ZDHHC13: variants seen among roughly 807,000 people sequenced by gnomAD.
The protein encoded by ZDHHC13 is zDHHC palmitoyltransferase 13.
In ZDHHC13, 85 loss-of-function variants were observed where a neutral mutation model predicts 86.0. That is an observed-to-expected ratio of 0.99 (90% CI 0.83 to 1.18). The LOEUF (loss-of-function observed/expected upper bound fraction) is 1.18. Among genes scored for constraint, ZDHHC13 ranks in the 50% most tolerant of loss-of-function variants. The pLI, the probability that ZDHHC13 is intolerant of heterozygous loss-of-function variation, is 0.00. For synonymous variants in ZDHHC13, 263 were observed against 246.4 expected, an observed-to-expected ratio of 1.07 and a Z score of -0.63; for missense variants, 711 against 730.2, an observed-to-expected ratio of 0.97 and a Z score of 0.30.
At chr11:19,158,886 A>G (rs1565037307) in intron 9 of ZDHHC13, 54 bp from the exon 10 acceptor site, 3 of 1,214,488 alleles carry the variant, frequency 2.5e-6, no homozygotes, top group Non-Finnish European at 3.4e-6. Flanking sequence ...GAAATTTAGA[A>G]CTAAAATTAA....
At chr11:19,145,404 A>G (rs1283714717) in intron 2 of ZDHHC13, among the ~76,000 whole-genome samples, 1 of 152,116 alleles carries the variant, frequency 6.6e-6, no homozygotes, top group East Asian at 1.9e-4. Context: ...CTCCAATGCG[A>G]TCTTTCTTAA....
intron 1 of ZDHHC13, among the ~76,000 whole-genome samples, chr11:19,134,949 C>T (rs10833065): frequency 0.66 from 100,604 of 152,016 alleles, 33,944 homozygotes; most frequent in Admixed American, 0.76. Flanking sequence ...GGAGGATTGC[C>T]TGAGCCCTGG....
intron 1 of ZDHHC13, among the ~76,000 whole-genome samples, chr11:19,135,139 T>G (rs1271592750): frequency 2.0e-5 from 3 of 152,234 alleles, no homozygotes; most frequent in Non-Finnish European, 4.4e-5. Context: ...ACGGGTGATT[T>G]CTGCATCTCC....
chr11:19,165,202 A>C, intron 13 of ZDHHC13, 57 bp downstream of exon 13: 1 of 1,534,138 alleles, frequency 6.5e-7, no homozygotes, highest in Non-Finnish European at 8.9e-7. Flanking sequence ...TTTAGTTATG[A>C]CTCACAGAAA....
At chr11:19,117,120 G>T (rs1848659987), upstream of ZDHHC13, 1 of 1,004,092 alleles carries the variant, frequency 1.0e-6, no homozygotes, top group Admixed American at 2.1e-5. The surrounding 1 kb of genome is among the most constrained non-coding windows in gnomAD (Gnocchi z 4.2). Flanking sequence ...CAGGGCACGA[G>T]CGGGGACCGC....
Position 19,149,338 on chromosome 11 carries a change from T to C in ZDHHC13, c.519+7T>C. On this transcript the variant is annotated splice_region_variant and intron_variant, in intron 5 of 16. Coordinates refer to ENST00000446113, the MANE Select transcript of ZDHHC13 (RefSeq NM_019028.3). ...TCTCATCTCAAAGGGACAGGTATGTTCTGAAATGTGTCTTATACTCCAGTT... is the reference window on the plus strand; with the variant it reads ...TCTCATCTCAAAGGGACAGGTATGTCCTGAAATGTGTCTTATACTCCAGTT... 2.5e-6 allele frequency: 4 copies of C among 1,575,088 alleles called. No individual in the cohort carries two copies. Among genetic ancestry groups the C allele is most frequent in the Non-Finnish European group, 3.5e-6 (4 of 1,155,618 alleles).
rs761029919 is a variant in ZDHHC13 at position 19,163,286 on chromosome 11, C to G, written c.1109-17C>G. The stretch of plus-strand genomic sequence containing the variant: ...TTTTTAAAGGAAGTTTGGTGTATTC[C>G]TTAACTTGGCTTTAACATTTAGCAG... On this transcript the variant is annotated splice_polypyrimidine_tract_variant and intron_variant, in intron 10 of 16. Coordinates refer to ENST00000446113, the MANE Select transcript of ZDHHC13 (RefSeq NM_019028.3). The G allele has an allele frequency of 3.8e-6, 6 of 1,567,588 alleles. No homozygotes were observed. In the East Asian group the frequency reaches 1.4e-4, roughly 36 times the overall value.
intron 1 of ZDHHC13, among the ~76,000 whole-genome samples, chr11:19,135,135 G>A (rs1038719662): frequency 1.3e-5 from 2 of 152,226 alleles, no homozygotes; most frequent in Non-Finnish European, 2.9e-5. Flanking sequence ...GAAGACGGGT[G>A]ATTTCTGCAT....
At chr11:19,152,084 A>T in intron 6 of ZDHHC13, 74 bp from the exon 7 acceptor site, 2 of 1,480,530 alleles carry the variant, frequency 1.4e-6, no homozygotes, top group African/African-American at 1.4e-5. Context: ...ATCTTAAAAG[A>T]TTCATAATTT....
At chr11:19,132,415 A>C (rs1385952072) in intron 1 of ZDHHC13, among the ~76,000 whole-genome samples, 1 of 152,174 alleles carries the variant, frequency 6.6e-6, no homozygotes, top group Non-Finnish European at 1.5e-5. Flanking sequence ...TCAGAGTTTG[A>C]ACATCTTCCT....
Position 19,172,718 on chromosome 11 carries a change from T to G in ZDHHC13, c.1633-5T>G, listed in dbSNP as rs781014977. The G allele has an allele frequency of 8.4e-5, 133 of 1,587,830 alleles. No individual in the cohort carries two copies. Among genetic ancestry groups the G allele is most frequent in the Non-Finnish European group, 1.1e-4 (131 of 1,167,406 alleles). ...TGTGTGCAACCTTCCACCCTTCTTT[T>G]TCAGATTGCCTTTCTGGGCCTGACC... On this transcript the variant is annotated splice_polypyrimidine_tract_variant and splice_region_variant and intron_variant, in intron 15 of 16. Transcript: ENST00000446113.
chr11:19,170,222 A>G (rs919704257), intron 14 of ZDHHC13, 189 bp from the exon 15 acceptor site: 5 of 1,403,474 alleles, frequency 3.6e-6, no homozygotes, highest in African/African-American at 1.5e-5. Context: ...CTCAATTAAC[A>G]TTGAGCCACC....
chr11:19,155,537 C>A lies in ZDHHC13; in HGVS notation c.874-259C>A, dbSNP rs1224899578. On this transcript the variant is annotated intron_variant, in intron 8 of 16. Transcript: ENST00000446113. ...CAGAGGTTGCAGTGAGCCGAGATCGCACCATTGTGCTCCAGCCTGGGCAAC... is the reference window on the plus strand; with the variant it reads ...CAGAGGTTGCAGTGAGCCGAGATCGAACCATTGTGCTCCAGCCTGGGCAAC... Among the ~76,000 whole-genome samples the A allele has an allele frequency of 2.1e-5, 3 of 145,186 alleles. No homozygotes were observed. The East Asian group carries it at 6.0e-4, about 29-fold the overall frequency.
intron 8 of ZDHHC13, among the ~76,000 whole-genome samples, chr11:19,154,586 T>C (rs1324877535): frequency 6.6e-6 from 1 of 152,210 alleles, no homozygotes; most frequent in Non-Finnish European, 1.5e-5. Context: ...GGGGCCCAGC[T>C]TCAATTCAGT....
At position 19,152,275 on chromosome 11, in the gene ZDHHC13, T is replaced by C; in HGVS notation, c.702T>C (p.Asp234=). The change falls in exon 7 of 17, where the codon GAT becomes GAC. Residue 234 remains aspartate (D), a synonymous_variant. Transcript: ENST00000446113. ...CAGCAGGAAATGTTAATGCAGTTGA[T>C]AAGCTTTTGGAAGCTGGTTCTAGCC... ...AVAAGNVNAV[D]KLLEAGSSLD... 1 of 1,613,428 alleles carries C rather than the reference T, an allele frequency of 6.2e-7. No homozygotes were observed. The highest frequency in any genetic ancestry group is 8.5e-7 in the Non-Finnish European group (1 of 1,179,498).
chr11:19,137,220 A>C (rs1189551522), intron 1 of ZDHHC13, among the ~76,000 whole-genome samples: 2 of 152,082 alleles, frequency 1.3e-5, no homozygotes, highest in Non-Finnish European at 1.5e-5. Flanking sequence ...GGATGGAGGA[A>C]GATCTACCAA....
At chr11:19,155,145 T>G (rs1002681962) in intron 8 of ZDHHC13, among the ~76,000 whole-genome samples, 1 of 152,196 alleles carries the variant, frequency 6.6e-6, no homozygotes, top group Non-Finnish European at 1.5e-5. Context: ...TATTAATTTC[T>G]ATGTAGTCCC....
At chr11:19,125,609 T>C (rs758741120) in intron 1 of ZDHHC13, among the ~76,000 whole-genome samples, 1 of 152,168 alleles carries the variant, frequency 6.6e-6, no homozygotes, top group Non-Finnish European at 1.5e-5. Context: ...CTTAGAGAAA[T>C]GAAAGGATGT....
In ZDHHC13 at chr11:19,152,598, C is replaced by G; in HGVS notation, c.787C>G (p.Gln263Glu). The change falls in exon 8 of 17, where the codon CAG becomes GAG. Residue 263 changes from glutamine (Q) to glutamate (E), a missense_variant. By Grantham distance (29) the Gln-to-Glu change is conservative. Coordinates refer to ENST00000446113, the MANE Select transcript of ZDHHC13 (RefSeq NM_019028.3). ...PLDMALQNKNQLIIHMLKTEA... is the reference protein window; with the variant it reads ...PLDMALQNKNELIIHMLKTEA... Reference sequence around the variant, plus strand: ...TGATATGGCTCTACAAAACAAAAATCAGCTCATTATTCATATGCTAAAAAC... The same window carrying G: ...TGATATGGCTCTACAAAACAAAAATGAGCTCATTATTCATATGCTAAAAAC... 1 of 1,613,064 alleles carries G rather than the reference C, an allele frequency of 6.2e-7. No homozygotes were observed. The highest frequency in any genetic ancestry group is 8.5e-7 in the Non-Finnish European group (1 of 1,179,346).
Sources: allele counts gnomAD v4.1 joint callset (sites outside exome capture counted in the v4.1 genomes callset), GRCh38; gene constraint gnomAD v4.1.1; non-coding constraint Gnocchi (gnomAD v3.1); transcripts MANE v1.5; gene names NCBI Gene and HGNC (gene_info 2026-07-23, HGNC 2026-07-21).